The following AASDH variants were observed in gnomAD, a reference collection of about 807,000 sequenced individuals.
AASDH encodes the protein aminoadipate-semialdehyde dehydrogenase.
In AASDH, 81 loss-of-function variants were observed where a neutral mutation model predicts 102.3. The observed-to-expected ratio is 0.79, with a 90% CI of 0.66 to 0.95. The LOEUF (loss-of-function observed/expected upper bound fraction) is 0.95, where lower values mean the gene tolerates loss of function less well. Among genes scored for constraint, AASDH ranks in the 40% least tolerant of loss-of-function variants. The pLI is 0.00. For synonymous variants in AASDH, 398 were observed against 454.0 expected (o/e 0.88, Z 1.57); for missense variants, 1,203 against 1,266.2 (o/e 0.95, Z 0.76).
rs2110026329 is a variant in AASDH at position 56,387,390 on chromosome 4, C to A, written c.-71G>T. 2 of 152,448 alleles carry A rather than the reference C, an allele frequency of 1.3e-5. No individual in the cohort carries two copies. Among genetic ancestry groups the A allele is most frequent in the African/African-American group, 4.8e-5 (2 of 41,592 alleles). The allele number at this position is 152,448 out of a possible 1,614,324, so 9.4% of individuals were successfully genotyped here. Reference sequence around the variant, plus strand: ...GCAAGTCTCGCGGATTAGGTTTGATCGCATTCGGCCCTTTCCCGGATAGCT... The same window carrying A: ...GCAAGTCTCGCGGATTAGGTTTGATAGCATTCGGCCCTTTCCCGGATAGCT... On this transcript the variant is annotated 5_prime_UTR_variant, in exon 1 of 15. Coordinates refer to ENST00000205214, the MANE Select transcript of AASDH (RefSeq NM_181806.4).
At chr4:56,339,072 A>G (rs1344310306) in intron 14 of AASDH, among the ~76,000 whole-genome samples, 1 of 152,172 alleles carries the variant, frequency 6.6e-6, no homozygotes, top group African/African-American at 2.4e-5. Flanking sequence ...TCCATTCAAG[A>G]GTTAGTATTA....
Position 56,371,302 on chromosome 4 carries a change from A to G in AASDH, c.861+149T>C, listed in dbSNP as rs925717331. 9 of 753,644 alleles carry G rather than the reference A, an allele frequency of 1.2e-5. No homozygotes were observed. The South Asian group carries it at 2.3e-4, about 19-fold the overall frequency. 46.7% of individuals were successfully genotyped at this position (753,644 alleles called of 1,614,324 possible). A position where few individuals can be genotyped will look rare whatever the true frequency, so the allele number is the denominator to read the frequency against. On this transcript the variant is annotated intron_variant, in intron 5 of 14. Coordinates refer to ENST00000205214, the MANE Select transcript of AASDH (RefSeq NM_181806.4). ...TTTTCATTTTCAAATAAACAACAAA[A>G]AAAGTCACATCCTGAGGAGACGGCC...
chr4:56,349,497 T>G lies in AASDH; in HGVS notation c.2254A>C (p.Lys752Gln), dbSNP rs778605943. 8.1e-6 allele frequency: 13 copies of G among 1,614,086 alleles called. No homozygotes were observed. The highest frequency in any genetic ancestry group is 1.1e-5 in the Non-Finnish European group (13 of 1,180,032). ...CTCCACCTCACATGTAACTCCATTT[T>G]CTGAGTCCCTATCGCAGGTTTCCCC... ...EEGKPAIGTQKMELHVRWRSD... is the reference protein window; with the variant it reads ...EEGKPAIGTQQMELHVRWRSD... The change falls in exon 11 of 15, where the codon AAA (lysine) becomes CAA (glutamine). Residue 752 changes from lysine (K) to glutamine (Q), a missense_variant. Coordinates refer to ENST00000205214, the MANE Select transcript of AASDH (RefSeq NM_181806.4).
At chr4:56,368,054 C>T (rs1385290996) in intron 5 of AASDH, among the ~76,000 whole-genome samples, 8 of 152,114 alleles carry the variant, frequency 5.3e-5, no homozygotes, top group Non-Finnish European at 8.8e-5. Flanking sequence ...AACAAGTGGG[C>T]GAAGGATATG....
At chr4:56,355,593 G>GTTTT (rs149149581) in intron 5 of AASDH, among the ~76,000 whole-genome samples, 170 bp from the exon 6 acceptor site, 4 of 91,870 alleles carry the variant, frequency 4.4e-5, no homozygotes, top group Admixed American at 1.4e-4. Flanking sequence ...TTATCTTCTT[G>GTTTT]TTTTTTTTTT....
intron 5 of AASDH, among the ~76,000 whole-genome samples, chr4:56,366,273 C>T (rs969359920): frequency 6.6e-6 from 1 of 152,148 alleles, no homozygotes; most frequent in African/African-American, 2.4e-5. Context: ...TGATTCACAG[C>T]CGAATTCTAC....
chr4:56,370,739 C>T (rs1359633417), intron 5 of AASDH, among the ~76,000 whole-genome samples: 2 of 152,224 alleles, frequency 1.3e-5, no homozygotes, highest in African/African-American at 4.8e-5. Context: ...TGGACTCACA[C>T]ACACAATCAG....
intron 11 of AASDH, 80 bp downstream of exon 11, chr4:56,349,183 A>T (rs1486587970): frequency 1.4e-6 from 2 of 1,440,972 alleles, no homozygotes; most frequent in Non-Finnish European, 1.9e-6. Flanking sequence ...TTAGATTTTT[A>T]AAAAATTTAA....
chr4:56,354,631 CGAAA>C, intron 7 of AASDH, 70 bp downstream of exon 7: 1 of 1,102,410 alleles, frequency 9.1e-7, no homozygotes, highest in Non-Finnish European at 1.3e-6. Flanking sequence ...AAGAAAAAGA[CGAAA>C]GGAATAAAAT....
chr4:56,382,183 A>C (rs1344427606), intron 3 of AASDH: 1 of 288,058 alleles, frequency 3.5e-6, no homozygotes, highest in East Asian at 1.2e-4. Flanking sequence ...ATGGAGTGTG[A>C]GGGGTGGAGA....
chr4:56,384,011 T>C, intron 2 of AASDH, 59 bp downstream of exon 2: 1 of 1,397,362 alleles, frequency 7.2e-7, no homozygotes, highest in Non-Finnish European at 1.0e-6. Flanking sequence ...CAATATACTC[T>C]ATTAAAAATT....
intron 12 of AASDH, 70 bp from the exon 13 acceptor site, chr4:56,343,754 GATATT>G (rs1747988945): frequency 6.9e-7 from 1 of 1,440,236 alleles, no homozygotes; most frequent in Non-Finnish European, 9.4e-7. Context: ...TACCCTTCAT[GATATT>G]ATGTCTGTTT....
intron 4 of AASDH, among the ~76,000 whole-genome samples, chr4:56,374,440 T>G (rs1362916218): frequency 6.6e-6 from 1 of 151,084 alleles, no homozygotes; most frequent in Non-Finnish European, 1.5e-5. Flanking sequence ...GCTTCCCTTA[T>G]CTGACTGAAA....
chr4:56,341,415 A>G (rs1747670879), intron 14 of AASDH, among the ~76,000 whole-genome samples: 1 of 47,940 alleles, frequency 2.1e-5, no homozygotes, highest in Non-Finnish European at 4.9e-5. Context: ...TTTTTTGGAG[A>G]CAGAGTCTCG....
In AASDH at chr4:56,354,824, G is replaced by A; in HGVS notation, c.1104-13C>T. The A allele has an allele frequency of 7.7e-6, 12 of 1,566,312 alleles. No individual in the cohort carries two copies. The highest frequency in any genetic ancestry group is 9.6e-6 in the Non-Finnish European group (11 of 1,151,486). ...AGGCAATTCACATCTATGAAAATAA[G>A]ATACAGAGCAGATTTAAAATTTTTC... On this transcript the variant is annotated splice_polypyrimidine_tract_variant and intron_variant, in intron 6 of 14. Coordinates refer to ENST00000205214, the MANE Select transcript of AASDH (RefSeq NM_181806.4).
chr4:56,353,364 T>C, intron 9 of AASDH, 40 bp downstream of exon 9: 3 of 1,467,522 alleles, frequency 2.0e-6, no homozygotes, highest in Non-Finnish European at 2.8e-6. Flanking sequence ...ACAATTAGTA[T>C]TATTTGGCAC....
chr4:56,343,958 C>A (rs1748024797), intron 12 of AASDH, among the ~76,000 whole-genome samples: 2 of 152,152 alleles, frequency 1.3e-5, no homozygotes, highest in South Asian at 4.1e-4. Flanking sequence ...TATATACACA[C>A]ACACGATCTA....
chr4:56,363,819 C>A (rs1320482672), intron 5 of AASDH, among the ~76,000 whole-genome samples: 1 of 152,194 alleles, frequency 6.6e-6, no homozygotes, highest in African/African-American at 2.4e-5. Flanking sequence ...GAGCTCCTCT[C>A]CTCCTCCAAA....
intron 10 of AASDH, 31 bp downstream of exon 10, chr4:56,351,311 T>A: frequency 7.3e-7 from 1 of 1,375,762 alleles, no homozygotes; most frequent in Non-Finnish European, 1.0e-6. Flanking sequence ...GACCTCTTTA[T>A]AATAATAATT....
Sources: gnomAD v4.1 joint callset for allele counts (sites outside exome capture counted in the v4.1 genomes callset) on GRCh38, gnomAD v4.1.1 for gene constraint, MANE v1.5 for transcripts, NCBI Gene and HGNC (gene_info 2026-07-23, HGNC 2026-07-21) for gene names.